FMN2: variants seen among roughly 807,000 people sequenced by gnomAD.
FMN2 encodes the protein formin-2.
A neutral mutation model predicts 142.3 loss-of-function variants in FMN2; 51 were observed. The ratio of observed to expected loss-of-function variants is 0.36; its 90% confidence interval spans 0.29 to 0.45. FMN2 has a LOEUF of 0.45. Among genes scored for constraint, FMN2 ranks in the 20% least tolerant of loss-of-function variants. The pLI is 1.00. For synonymous variants in FMN2, 882 were observed against 869.8 expected, an observed-to-expected ratio of 1.01 and a Z score of -0.25; for missense variants, 1,936 against 2,122.8, an observed-to-expected ratio of 0.91 and a Z score of 1.73.
rs1222415126 is a variant in FMN2 at position 240,427,171 on chromosome 1, T to TTTTATATATATATATATATATATA, written c.4911-10889_4911-10888insTTATATATATATATATATATATAT. Among the ~76,000 whole-genome samples, 65 of 136,898 alleles carry TTTTATATATATATATATATATATA rather than the reference T, an allele frequency of 4.7e-4. 1 individual carries two copies. Among genetic ancestry groups the TTTTATATATATATATATATATATA allele is most frequent in the African/African-American group, 1.9e-3 (58 of 31,068 alleles). 89.8% of individuals were successfully genotyped at this position (136,898 alleles called of 152,430 possible). On this transcript the variant is annotated intron_variant, in intron 15 of 17. Coordinates refer to ENST00000319653, the MANE Select transcript of FMN2 (RefSeq NM_020066.5). Reference sequence around the variant, plus strand: ...TAGTTCATGTATGTTACAACTGATTTTATATATATATATATATATATGGTT... The same window carrying TTTTATATATATATATATATATATA: ...TAGTTCATGTATGTTACAACTGATTTTTTATATATATATATATATATATATATATATATATATATATATATGGTT...
At chr1:240,219,439 G>A (rs1387890377) in intron 6 of FMN2, among the ~76,000 whole-genome samples, 1 of 152,084 alleles carries the variant, frequency 6.6e-6, no homozygotes, top group Non-Finnish European at 1.5e-5. Flanking sequence ...TGCTGGTGAT[G>A]ACACTAGTCA....
At chr1:240,101,714 T>G (rs1436945442) in intron 1 of FMN2, among the ~76,000 whole-genome samples, 3 of 151,600 alleles carry the variant, frequency 2.0e-5, no homozygotes, top group Admixed American at 6.6e-5. Flanking sequence ...GGCTAATTTT[T>G]TTTTTTTTTT....
At chr1:240,460,052 A>T (rs961498745) in intron 16 of FMN2, among the ~76,000 whole-genome samples, 1 of 152,200 alleles carries the variant, frequency 6.6e-6, no homozygotes, top group Admixed American at 6.5e-5. Context: ...CCTAGAAATT[A>T]GAGTCAGGAG....
At chr1:240,433,623 T>A (rs1432502625) in intron 15 of FMN2, among the ~76,000 whole-genome samples, 2 of 152,220 alleles carry the variant, frequency 1.3e-5, no homozygotes, top group Non-Finnish European at 2.9e-5. Flanking sequence ...TTACTATACA[T>A]CCTTTCTTCT....
chr1:240,432,734 T>C (rs115711834), intron 15 of FMN2, among the ~76,000 whole-genome samples: 1 of 152,082 alleles, frequency 6.6e-6, no homozygotes, highest in African/African-American at 2.4e-5. Context: ...TTAGGATTTC[T>C]TTTTGATCCA....
chr1:240,207,597 G>T lies in FMN2; in HGVS notation c.2785G>T (p.Ala929Ser). The change falls in exon 5 of 18, where the codon GCA (alanine) becomes TCA (serine). Residue 929 changes from alanine (A) to serine (S), a missense_variant. Around this residue, in one of 8 missense-constraint regions of FMN2, gnomAD observed 478 missense variants for 462.8 expected, o/e 1.03. Coordinates refer to ENST00000319653, the MANE Select transcript of FMN2 (RefSeq NM_020066.5). ...GIPPPPPLPG[A>S]GILPLPPLPG... is the part of the protein sequence containing the mutation. Reference sequence around the variant, plus strand: ...ACCTCCTCCGCCGCCTCTACCCGGAGCAGGCATACTCCCTCTGCCCCCTCT... The same window carrying T: ...ACCTCCTCCGCCGCCTCTACCCGGATCAGGCATACTCCCTCTGCCCCCTCT... 6.3e-7 allele frequency: 1 copy of T among 1,586,030 alleles called. No individual in the cohort carries two copies. The highest frequency in any genetic ancestry group is 1.2e-5 in the South Asian group (1 of 86,924).
At chr1:240,117,584 C>T (rs1662072971) in intron 1 of FMN2, among the ~76,000 whole-genome samples, 1 of 152,142 alleles carries the variant, frequency 6.6e-6, no homozygotes, top group Non-Finnish European at 1.5e-5. Context: ...AGTGACACAG[C>T]ACGAGTGATG....
Position 240,355,951 on chromosome 1 carries a change from C to CAAAAAAAAAA in FMN2, c.4858+69_4858+78dup, listed in dbSNP as rs58002724. The CAAAAAAAAAA allele has an allele frequency of 4.8e-4, 122 of 252,844 alleles. 5 individuals are homozygous for CAAAAAAAAAA. The highest frequency in any genetic ancestry group is 8.1e-4 in the African/African-American group (21 of 25,934). The allele number at this position is 252,844 out of a possible 1,614,324, so 15.7% of individuals were successfully genotyped here. ...GTGTTATGTTTTTCTCCCCTTTCAG[C>CAAAAAAAAAA]AAAAAAAAAAAAAAAAAAAAAAAAA... On this transcript the variant is annotated intron_variant, in intron 14 of 17. Coordinates refer to ENST00000319653, the MANE Select transcript of FMN2 (RefSeq NM_020066.5).
intron 8 of FMN2, among the ~76,000 whole-genome samples, chr1:240,320,755 G>A (rs1353526862): frequency 6.6e-6 from 1 of 152,166 alleles, no homozygotes; most frequent in African/African-American, 2.4e-5. Flanking sequence ...TGGATGCCCA[G>A]GGATTCCTGC....
chr1:240,426,202 C>A (rs1674931475), intron 15 of FMN2, among the ~76,000 whole-genome samples: 1 of 151,944 alleles, frequency 6.6e-6, no homozygotes. Context: ...AATTTTGAGT[C>A]ATTCTTTATG....
intron 14 of FMN2, among the ~76,000 whole-genome samples, chr1:240,366,910 C>T (rs1396317831): frequency 6.6e-6 from 1 of 152,168 alleles, no homozygotes; most frequent in Non-Finnish European, 1.5e-5. Context: ...GTTCACAATT[C>T]CTGATCCACA....
chr1:240,458,512 C>G (rs1439460828), intron 16 of FMN2: 1 of 152,200 alleles, frequency 6.6e-6, no homozygotes, highest in Non-Finnish European at 1.5e-5. Flanking sequence ...CCATACACAT[C>G]ATCCTGGCTA....
intron 1 of FMN2, among the ~76,000 whole-genome samples, chr1:240,107,102 T>C (rs1031485252): frequency 2.0e-5 from 3 of 151,704 alleles, no homozygotes; most frequent in Non-Finnish European, 4.4e-5. Context: ...GTGTTCAGGA[T>C]GAAGGAGCTA....
intron 6 of FMN2, among the ~76,000 whole-genome samples, chr1:240,226,349 C>G (rs148439050): frequency 5.1e-4 from 78 of 152,238 alleles, no homozygotes; most frequent in African/African-American, 1.8e-3. Flanking sequence ...GCAGACTTAT[C>G]AGAATTAATG....
At chr1:240,160,900 A>G (rs10802842) in intron 2 of FMN2, among the ~76,000 whole-genome samples, 40,172 of 152,072 alleles carry the variant, frequency 0.26, 5,383 homozygotes, top group South Asian at 0.34. Context: ...ACACAAAATC[A>G]ATATGTAAAA....
At chr1:240,189,660 A>C (rs901957680) in intron 4 of FMN2, among the ~76,000 whole-genome samples, 1 of 152,220 alleles carries the variant, frequency 6.6e-6, no homozygotes, top group Non-Finnish European at 1.5e-5. Flanking sequence ...TTCATTGAAA[A>C]AGCAAGTTTT....
intron 2 of FMN2, among the ~76,000 whole-genome samples, chr1:240,156,157 G>A (rs1021872499): frequency 6.6e-6 from 1 of 152,084 alleles, no homozygotes; most frequent in Non-Finnish European, 1.5e-5. Context: ...AGGCTGAAGC[G>A]GGAGGATCAC....
At chr1:240,373,864 T>G (rs1028932141) in intron 14 of FMN2, among the ~76,000 whole-genome samples, 6 of 152,352 alleles carry the variant, frequency 3.9e-5, no homozygotes, top group Admixed American at 3.9e-4. Context: ...TCCTTTTAGA[T>G]AGTTTTCAAT....
chr1:240,202,649 A>T (rs1666170402), intron 4 of FMN2, among the ~76,000 whole-genome samples: 1 of 151,922 alleles, frequency 6.6e-6, no homozygotes, highest in Non-Finnish European at 1.5e-5. Context: ...ATTTTTGTTG[A>T]GATGAAGTCT....
Sources: allele counts gnomAD v4.1 joint callset (sites outside exome capture counted in the v4.1 genomes callset), GRCh38; gene constraint gnomAD v4.1.1; regional missense constraint gnomAD v4.1.1; transcripts MANE v1.5; gene names NCBI Gene and HGNC (gene_info 2026-07-23, HGNC 2026-07-21).